Variants in GRM7 observed in about 807,000 individuals in gnomAD.
GRM7 encodes the protein glutamate metabotropic receptor 7.
GRM7 carries 35 observed loss-of-function variants against 84.5 expected under a neutral mutation model. That is an observed-to-expected ratio of 0.41 (90% CI 0.32 to 0.55). The LOEUF (loss-of-function observed/expected upper bound fraction) is 0.55. GRM7 is among the 20% of genes least tolerant of loss of function. The pLI, the probability that GRM7 is intolerant of heterozygous loss-of-function variation, is 0.19. For synonymous variants in GRM7, 487 were observed against 455.1 expected, an observed-to-expected ratio of 1.07 and a Z score of -0.89; for missense variants, 1,003 against 1,194.6, an observed-to-expected ratio of 0.84 and a Z score of 2.36.
intron 4 of GRM7, among the ~76,000 whole-genome samples, chr3:7,371,208 A>T (rs1304959334): frequency 1.3e-5 from 2 of 152,186 alleles, no homozygotes; most frequent in Non-Finnish European, 2.9e-5. Flanking sequence ...GTAGAAGAAA[A>T]GTGTTGTAGC....
intron 2 of GRM7, among the ~76,000 whole-genome samples, chr3:7,187,174 A>T (rs963352189): frequency 2.0e-5 from 3 of 150,754 alleles, no homozygotes; most frequent in African/African-American, 7.4e-5. Flanking sequence ...TTTCTGAAAT[A>T]TGCCCATGCT....
intron 9 of GRM7, among the ~76,000 whole-genome samples, chr3:7,692,795 G>T (rs902447350): frequency 4.6e-5 from 7 of 152,032 alleles, no homozygotes; most frequent in Admixed American, 4.6e-4. Flanking sequence ...TCTGAAATGG[G>T]ATTGAATAGG....
intron 1 of GRM7, among the ~76,000 whole-genome samples, chr3:6,945,517 A>C (rs891612396): frequency 1.1e-4 from 16 of 152,240 alleles, no homozygotes; most frequent in Admixed American, 5.2e-4. Flanking sequence ...GTGCCGCAAT[A>C]AACATACATG....
chr3:7,576,019 T>A (rs1298286659), intron 7 of GRM7, among the ~76,000 whole-genome samples: 1 of 152,250 alleles, frequency 6.6e-6, no homozygotes, highest in Non-Finnish European at 1.5e-5. Flanking sequence ...AGTTTAATTA[T>A]GTGGCACGTG....
At chr3:7,549,261 C>T (rs1201170865) in intron 7 of GRM7, among the ~76,000 whole-genome samples, 1 of 152,194 alleles carries the variant, frequency 6.6e-6, no homozygotes, top group Non-Finnish European at 1.5e-5. Flanking sequence ...TATTTCACTA[C>T]ATTTTACTGC....
intron 2 of GRM7, among the ~76,000 whole-genome samples, chr3:7,205,907 A>G (rs929752109): frequency 1.3e-5 from 2 of 152,254 alleles, no homozygotes; most frequent in African/African-American, 4.8e-5. Flanking sequence ...AGAAATTAAT[A>G]GAATTGAGCT....
At position 7,725,501 on chromosome 3, in the gene GRM7, GCA is replaced by G. The variant is rs141475627; in HGVS notation, c.2699-14841_2699-14840del. ...AATCAACTCCTGAGACATCACACAG[GCA>G]CACACACACACACAGAAGTAAAGGC... is the stretch of plus-strand genomic sequence containing the variant. On this transcript the variant is annotated intron_variant, in intron 9 of 9. Coordinates refer to ENST00000357716, the MANE Select transcript of GRM7 (RefSeq NM_000844.4). Among the ~76,000 whole-genome samples the G allele has an allele frequency of 1.0e-3, 153 of 150,774 alleles. 1 individual carries two copies. The highest frequency in any genetic ancestry group is 3.6e-3 in the African/African-American group (148 of 41,224).
At chr3:7,102,619 A>C (rs1178219608) in intron 1 of GRM7, among the ~76,000 whole-genome samples, 3 of 151,650 alleles carry the variant, frequency 2.0e-5, no homozygotes, top group African/African-American at 7.3e-5. Context: ...ACATTTATCT[A>C]GTTTTTCTCC....
intron 8 of GRM7, among the ~76,000 whole-genome samples, chr3:7,637,279 G>A (rs1569286): frequency 0.44 from 66,434 of 152,026 alleles, 14,727 homozygotes; most frequent in East Asian, 0.63. Flanking sequence ...AAAGTGTTGG[G>A]ACTTTAGACA....
chr3:7,631,251 T>C (rs185036175), intron 8 of GRM7, among the ~76,000 whole-genome samples: 1 of 152,314 alleles, frequency 6.6e-6, no homozygotes, highest in East Asian at 1.9e-4. Context: ...GAAGCCTGTT[T>C]CTGCTGCAAA....
intron 1 of GRM7, among the ~76,000 whole-genome samples, chr3:6,982,562 A>G (rs1001942580): frequency 6.6e-6 from 1 of 152,148 alleles, no homozygotes; most frequent in Non-Finnish European, 1.5e-5. Flanking sequence ...GTATAGATCC[A>G]TGTAAACATC....
At chr3:7,550,575 CTCTGTG>C (rs1426020476) in intron 7 of GRM7, among the ~76,000 whole-genome samples, 16 of 40,642 alleles carry the variant, frequency 3.9e-4, no homozygotes, top group South Asian at 8.5e-4. Flanking sequence ...CTCTCTCTCT[CTCTGTG>C]TGTGTGTGTG....
chr3:7,679,942 ATTGCT>A, intron 8 of GRM7, 102 bp from the exon 9 acceptor site: 1 of 996,526 alleles, frequency 1.0e-6, no homozygotes, highest in Non-Finnish European at 1.5e-6. Flanking sequence ...TGCCCTGAAG[ATTGCT>A]TTATCTCCTA....
At chr3:7,554,878 C>T (rs1693683438) in intron 7 of GRM7, among the ~76,000 whole-genome samples, 3 of 152,244 alleles carry the variant, frequency 2.0e-5, no homozygotes, top group Non-Finnish European at 2.9e-5. Flanking sequence ...CTTGGAAATG[C>T]AGTTCAGCTG....
rs74517125 is a variant in GRM7 at position 6,899,373 on chromosome 3, T to C, written c.519+37466T>C. Among the ~76,000 whole-genome samples, 812 of 152,316 alleles carry C rather than the reference T, an allele frequency of 5.3e-3. 11 individuals carry two copies. Among genetic ancestry groups the C allele is most frequent in the African/African-American group, 0.019 (777 of 41,582 alleles). On this transcript the variant is annotated intron_variant, in intron 1 of 9. Transcript: ENST00000357716. ...AAAATATCTGACAAAGAGCTGGGCA[T>C]AAAATACTTAATTGGACAACTTTTG...
intron 4 of GRM7, among the ~76,000 whole-genome samples, chr3:7,400,090 A>G (rs550475583): frequency 6.6e-6 from 1 of 152,264 alleles, no homozygotes; most frequent in Admixed American, 6.5e-5. Flanking sequence ...TGTTTTTCAC[A>G]TTGAATTGTT....
intron 1 of GRM7, among the ~76,000 whole-genome samples, chr3:7,109,228 G>T (rs1317651897): frequency 1.3e-5 from 2 of 152,076 alleles, no homozygotes; most frequent in Admixed American, 6.6e-5. Flanking sequence ...CAGATGAAAG[G>T]TTGAATTCAA....
At chr3:7,301,555 A>G (rs1413740932) in intron 3 of GRM7, among the ~76,000 whole-genome samples, 3 of 152,252 alleles carry the variant, frequency 2.0e-5, no homozygotes, top group African/African-American at 7.2e-5. Context: ...AGTTCTGGTA[A>G]CTAATTGGTT....
intron 1 of GRM7, among the ~76,000 whole-genome samples, chr3:7,106,494 A>G (rs73808683): frequency 6.6e-6 from 1 of 152,010 alleles, no homozygotes; most frequent in African/African-American, 2.4e-5. Context: ...TGTGAATGAT[A>G]ATTTTTAAGA....
Sources: gnomAD v4.1 joint callset for allele counts (sites outside exome capture counted in the v4.1 genomes callset) on GRCh38, gnomAD v4.1.1 for gene constraint, MANE v1.5 for transcripts, NCBI Gene and HGNC (gene_info 2026-07-23, HGNC 2026-07-21) for gene names.